Variants in ITPR1 observed in about 807,000 individuals in gnomAD.
ITPR1 encodes the protein inositol 1,4,5-trisphosphate-gated calcium channel ITPR1.
A neutral mutation model predicts 318.4 loss-of-function variants in ITPR1; 96 were observed. The observed-to-expected ratio is 0.30, with a 90% CI of 0.26 to 0.36. The LOEUF (loss-of-function observed/expected upper bound fraction) is 0.36, where lower values mean the gene tolerates loss of function less well. Ranked by LOEUF, ITPR1 falls within the 10% of genes least tolerant of loss-of-function variation. The pLI is 1.00. For synonymous variants in ITPR1, 1,312 were observed against 1,289.9 expected, an observed-to-expected ratio of 1.02 and a Z score of -0.37; for missense variants, 2,440 against 3,460.2, an observed-to-expected ratio of 0.71 and a Z score of 7.40.
At chr3:4,817,951 G>A (rs1198345787) in intron 59 of ITPR1, 131 bp from the exon 60 acceptor site, 8 of 669,350 alleles carry the variant, frequency 1.2e-5, no homozygotes, top group African/African-American at 7.3e-5. Context: ...TTATAAGGCC[G>A]ACAGAATCCA....
rs115360104 is a variant in ITPR1 at position 4,725,431 on chromosome 3, C to G, written c.5137-115C>G. 3.6e-3 allele frequency: 3,043 copies of G among 843,818 alleles called. 58 individuals are homozygous for G. In the African/African-American group the frequency reaches 0.043, roughly 12 times the overall value. The allele number at this position is 843,818 out of a possible 1,614,324, so 52.3% of individuals were successfully genotyped here. A position where few individuals can be genotyped will look rare whatever the true frequency, so the allele number is the denominator to read the frequency against. On this transcript the variant is annotated intron_variant, in intron 40 of 61. Coordinates refer to ENST00000649015, the MANE Select transcript of ITPR1 (RefSeq NM_001378452.1). ...TCGGCAGGTGATCCAGCAGGGTTGC[C>G]TCATCTCTGATCCTTCCTCCTGTGT...
At chr3:4,568,336 T>C (rs891464483) in intron 4 of ITPR1, among the ~76,000 whole-genome samples, 10 of 152,250 alleles carry the variant, frequency 6.6e-5, no homozygotes, top group African/African-American at 2.4e-4. Context: ...TTAACTTCTC[T>C]TTTATTCTTC....
intron 40 of ITPR1, among the ~76,000 whole-genome samples, chr3:4,720,355 A>C (rs1392074028): frequency 6.6e-6 from 1 of 152,200 alleles, no homozygotes; most frequent in African/African-American, 2.4e-5. Context: ...GGCTTAGGAG[A>C]TCAGGTGATG....
chr3:4,826,761 C>T lies in ITPR1; in HGVS notation c.8028+8519C>T, dbSNP rs1258765444. 2.0e-5 allele frequency among the ~76,000 whole-genome samples: 3 copies of T among 152,162 alleles called. No homozygotes were observed. Among genetic ancestry groups the T allele is most frequent in the Admixed American group, 6.5e-5 (1 of 15,280 alleles). On this transcript the variant is annotated intron_variant, in intron 60 of 61. Transcript: ENST00000649015. This position sits in a 1 kb window ranked among gnomAD's most constrained non-coding sequence, Gnocchi z 4.2. ...TGTGAGGCACTTGGCGTTTGGGCCC[C>T]GGTTCTGCACTGACCTCCCAGTGCT...
At chr3:4,585,365 G>C (rs1027493503) in intron 4 of ITPR1, among the ~76,000 whole-genome samples, 2 of 152,116 alleles carry the variant, frequency 1.3e-5, no homozygotes, top group African/African-American at 4.8e-5. Context: ...GTCCTTATCA[G>C]TCCTGGTACA....
intron 4 of ITPR1, among the ~76,000 whole-genome samples, chr3:4,531,882 G>A (rs774996016): frequency 2.2e-4 from 33 of 152,264 alleles, no homozygotes; most frequent in Non-Finnish European, 4.0e-4. Context: ...CAGACCCTGT[G>A]GGTTTGGCTC....
At position 4,646,659 on chromosome 3, in the gene ITPR1, G is replaced by A. The variant is rs186199126; in HGVS notation, c.855+931G>A. Among the ~76,000 whole-genome samples, 5 of 152,240 alleles carry A rather than the reference G, an allele frequency of 3.3e-5. No homozygotes were observed. The East Asian group carries it at 5.8e-4, about 18-fold the overall frequency. ...CAACTTAAAGAAGCTAGAAGATTCT[G>A]CCCACAGCATGTAATTTGTTGTAAG... On this transcript the variant is annotated intron_variant, in intron 10 of 61. Coordinates refer to ENST00000649015, the MANE Select transcript of ITPR1 (RefSeq NM_001378452.1).
At chr3:4,667,774 T>G (rs191391903) in intron 18 of ITPR1, among the ~76,000 whole-genome samples, 11 of 152,328 alleles carry the variant, frequency 7.2e-5, no homozygotes, top group Non-Finnish European at 1.5e-4. Flanking sequence ...CTTGGGTTTT[T>G]TCCTGAACTT....
intron 52 of ITPR1, among the ~76,000 whole-genome samples, chr3:4,792,663 G>C (rs957482247): frequency 7.2e-5 from 11 of 152,214 alleles, no homozygotes; most frequent in African/African-American, 1.2e-4. Context: ...TGACATGGCA[G>C]ATGATTTCCT....
At chr3:4,797,534 C>A (rs1040095691) in intron 53 of ITPR1, among the ~76,000 whole-genome samples, 10 of 152,208 alleles carry the variant, frequency 6.6e-5, no homozygotes, top group African/African-American at 2.4e-4. Context: ...AAAAGTATCA[C>A]CGCCCCTCCA....
At chr3:4,526,694 G>T (rs1456319921) in intron 4 of ITPR1, among the ~76,000 whole-genome samples, 1 of 150,082 alleles carries the variant, frequency 6.7e-6, no homozygotes, top group Non-Finnish European at 1.5e-5. Context: ...TTCCCATTAT[G>T]CAGTTGAGGA....
At chr3:4,768,329 G>T in intron 45 of ITPR1, 182 bp from the exon 46 acceptor site, 1 of 609,610 alleles carries the variant, frequency 1.6e-6, no homozygotes, top group Non-Finnish European at 2.7e-6. Flanking sequence ...AGGTGGCAGG[G>T]CCTGGCTCGG....
At chr3:4,591,559 G>C (rs1317125446) in intron 4 of ITPR1, among the ~76,000 whole-genome samples, 1 of 152,192 alleles carries the variant, frequency 6.6e-6, no homozygotes, top group African/African-American at 2.4e-5. Context: ...CTTCCTAAGG[G>C]AGGAATGTAA....
At chr3:4,636,793 G>A (rs1055651375) in intron 5 of ITPR1, among the ~76,000 whole-genome samples, 8 of 152,194 alleles carry the variant, frequency 5.3e-5, no homozygotes, top group Non-Finnish European at 1.0e-4. Flanking sequence ...TTAATTTTCT[G>A]TTCTTCTCTT....
At chr3:4,766,756 A>G (rs943986402) in intron 45 of ITPR1, 46 bp downstream of exon 45, 2 of 1,440,918 alleles carry the variant, frequency 1.4e-6, no homozygotes, top group African/African-American at 1.4e-5. Context: ...GAACACCAGA[A>G]GAGTCCTTGT....
In ITPR1 at chr3:4,652,275, C is replaced by T. The variant is rs28461825; in HGVS notation, c.951+57C>T. 172,386 of 1,215,368 alleles carry T rather than the reference C, an allele frequency of 0.14. 13,519 individuals are homozygous for T. Among genetic ancestry groups the T allele is most frequent in the African/African-American group, 0.24 (16,255 of 67,026 alleles). The allele number at this position is 1,215,368 out of a possible 1,614,324, so 75.3% of individuals were successfully genotyped here. ...AAGGCTGACGCACCTCACCGCCTTT[C>T]CTCATTCGCCTGTAGCCGTCGTGTT... On this transcript the variant is annotated intron_variant, in intron 11 of 61. Transcript: ENST00000649015.
intron 54 of ITPR1, among the ~76,000 whole-genome samples, chr3:4,804,714 C>G (rs956237099): frequency 2.7e-4 from 41 of 152,310 alleles, no homozygotes; most frequent in African/African-American, 9.9e-4. Context: ...GTGATACTTT[C>G]CCACCCTCTG....
intron 43 of ITPR1, among the ~76,000 whole-genome samples, chr3:4,734,222 A>G (rs1408158678): frequency 3.9e-5 from 6 of 152,254 alleles, no homozygotes; most frequent in South Asian, 2.1e-4. Context: ...GGTTCTTCAC[A>G]TAATCTCTCA....
chr3:4,761,105 C>G (rs926842680), intron 44 of ITPR1, among the ~76,000 whole-genome samples: 4 of 152,164 alleles, frequency 2.6e-5, no homozygotes, highest in Non-Finnish European at 5.9e-5. Flanking sequence ...CAACCCCCCA[C>G]CCTCCAGAGG....
Sources: gnomAD v4.1 joint callset for allele counts (sites outside exome capture counted in the v4.1 genomes callset) on GRCh38, gnomAD v4.1.1 for gene constraint, Gnocchi (gnomAD v3.1) non-coding constraint, MANE v1.5 for transcripts, NCBI Gene and HGNC (gene_info 2026-07-23, HGNC 2026-07-21) for gene names.